Variants in NDST4 observed in about 807,000 individuals in gnomAD.
The protein encoded by NDST4 is N-deacetylase and N-sulfotransferase 4.
A neutral mutation model predicts 100.8 loss-of-function variants in NDST4; 63 were observed. The observed-to-expected ratio is 0.62, with a 90% CI of 0.51 to 0.77. NDST4 has a LOEUF of 0.77. Ranked by LOEUF, NDST4 falls within the 30% of genes least tolerant of loss-of-function variation. The pLI is 0.00. For synonymous variants in NDST4, 377 were observed against 361.8 expected, an observed-to-expected ratio of 1.04 and a Z score of -0.48; for missense variants, 943 against 1,018.4, an observed-to-expected ratio of 0.93 and a Z score of 1.01.
At chr4:115,038,656 T>C (rs1728284898) in intron 2 of NDST4, among the ~76,000 whole-genome samples, 2 of 152,176 alleles carry the variant, frequency 1.3e-5, no homozygotes, top group Admixed American at 6.6e-5. Context: ...TTAACATGTG[T>C]TTTTCCCCTT....
At chr4:114,831,303 C>T (rs1172836896) in intron 12 of NDST4, among the ~76,000 whole-genome samples, 3 of 151,972 alleles carry the variant, frequency 2.0e-5, no homozygotes, top group African/African-American at 2.4e-5. Flanking sequence ...CCACCCGCCT[C>T]GGCCTCCCAA....
intron 2 of NDST4, among the ~76,000 whole-genome samples, chr4:115,068,077 T>C (rs1560587646): frequency 6.6e-6 from 1 of 152,008 alleles, no homozygotes; most frequent in Non-Finnish European, 1.5e-5. Context: ...AGATTTCAAA[T>C]GGCTGTTGGA....
chr4:114,859,995 C>A (rs1291678386), intron 7 of NDST4, among the ~76,000 whole-genome samples: 1 of 152,190 alleles, frequency 6.6e-6, no homozygotes, highest in Admixed American at 6.5e-5. Context: ...GACTCAAATA[C>A]ATTTCTATCC....
chr4:115,033,157 AT>A (rs1192796806), intron 2 of NDST4, among the ~76,000 whole-genome samples: 1,215 of 59,876 alleles, frequency 0.02, 10 homozygotes, highest in African/African-American at 0.047. Context: ...ATATATATAT[AT>A]TTTTTTTTTT....
At chr4:115,015,854 C>G (rs1184639454) in intron 2 of NDST4, among the ~76,000 whole-genome samples, 1 of 151,980 alleles carries the variant, frequency 6.6e-6, no homozygotes, top group Non-Finnish European at 1.5e-5. Context: ...CACAGTCTGC[C>G]AGAAGCAGAG....
chr4:114,988,675 A>G (rs1726969295), intron 2 of NDST4, among the ~76,000 whole-genome samples: 2 of 152,004 alleles, frequency 1.3e-5, no homozygotes, highest in African/African-American at 4.8e-5. Flanking sequence ...TACGTCTTTA[A>G]ATGTGTACCC....
chr4:114,890,886 G>A (rs564274453), intron 6 of NDST4, among the ~76,000 whole-genome samples: 2 of 152,040 alleles, frequency 1.3e-5, no homozygotes, highest in African/African-American at 4.8e-5. Context: ...ATTCACTTAT[G>A]CCCTGGAGCT....
At chr4:115,003,469 G>A (rs574955433) in intron 2 of NDST4, among the ~76,000 whole-genome samples, 10 of 151,998 alleles carry the variant, frequency 6.6e-5, no homozygotes, top group South Asian at 2.1e-4. Flanking sequence ...ATTTTATGTC[G>A]CCTTTACCTA....
At chr4:115,015,515 C>A (rs966603781) in intron 2 of NDST4, among the ~76,000 whole-genome samples, 1 of 151,918 alleles carries the variant, frequency 6.6e-6, no homozygotes, top group Non-Finnish European at 1.5e-5. Context: ...GATGGTCAGG[C>A]ACTTGGAGGA....
intron 2 of NDST4, among the ~76,000 whole-genome samples, chr4:114,986,830 A>ATATATATATATATATATT (rs1553959396): frequency 1.1e-5 from 1 of 91,962 alleles, no homozygotes; most frequent in African/African-American, 4.3e-5. Flanking sequence ...ATATATATAT[A>ATATATATATATATATATT]TATTTTAATA....
chr4:115,072,518 C>T (rs971460392), intron 2 of NDST4, among the ~76,000 whole-genome samples: 1 of 151,812 alleles, frequency 6.6e-6, no homozygotes, highest in African/African-American at 2.4e-5. Context: ...AAATAGTGAA[C>T]ACAGAAATAA....
intron 6 of NDST4, among the ~76,000 whole-genome samples, chr4:114,904,633 T>G (rs1379476424): frequency 1.3e-5 from 2 of 151,846 alleles, no homozygotes; most frequent in Non-Finnish European, 2.9e-5. Flanking sequence ...GTTATATGGA[T>G]TTTTTTAGAA....
At chr4:114,888,151 C>T (rs550555159) in intron 6 of NDST4, among the ~76,000 whole-genome samples, 57 of 151,890 alleles carry the variant, frequency 3.8e-4, no homozygotes, top group East Asian at 1.9e-3. Flanking sequence ...TGCAATGAGC[C>T]GAGATGGTGC....
chr4:115,084,355 G>A (rs567881788), intron 1 of NDST4, among the ~76,000 whole-genome samples: 26 of 152,312 alleles, frequency 1.7e-4, no homozygotes, highest in Non-Finnish European at 2.4e-4. Context: ...TTTGCAGCCC[G>A]ATGATGCAGT....
At chr4:115,046,452 T>C (rs1485050663) in intron 2 of NDST4, among the ~76,000 whole-genome samples, 1 of 152,184 alleles carries the variant, frequency 6.6e-6, no homozygotes, top group African/African-American at 2.4e-5. Flanking sequence ...CCATAACTTT[T>C]ATTTCAGTTG....
Position 114,870,792 on chromosome 4 carries a change from A to G in NDST4, c.1695T>C (p.Pro565=). 6.2e-7 allele frequency: 1 copy of G among 1,611,588 alleles called. No homozygotes were observed. The highest frequency in any genetic ancestry group is 8.5e-7 in the Non-Finnish European group (1 of 1,178,798). ...QLAHQYFELF[P]EQKDPLWQNP... is the part of the protein sequence containing the mutation. ...CCTGCCATAGAGGGTCTTTCTGCTC[A>G]GGGAAGAGCTCAAAATACTGGTGGG... Residue 565 remains proline, a synonymous_variant, in exon 7 of 14, where the codon CCT becomes CCC. Coordinates refer to ENST00000264363, the MANE Select transcript of NDST4 (RefSeq NM_022569.3).
intron 6 of NDST4, among the ~76,000 whole-genome samples, chr4:114,930,729 G>A (rs1213517020): frequency 1.3e-5 from 2 of 152,034 alleles, no homozygotes; most frequent in African/African-American, 4.8e-5. Flanking sequence ...ACATGATGAG[G>A]ACATGCTTTC....
intron 1 of NDST4, among the ~76,000 whole-genome samples, chr4:115,091,118 A>C (rs1448149062): frequency 6.6e-6 from 1 of 152,132 alleles, no homozygotes; most frequent in Non-Finnish European, 1.5e-5. Context: ...GAGAGGTACA[A>C]TATCTACAAT....
intron 6 of NDST4, among the ~76,000 whole-genome samples, chr4:114,906,548 C>T (rs1035805093): frequency 6.6e-6 from 1 of 151,860 alleles, no homozygotes; most frequent in African/African-American, 2.4e-5. Context: ...AGGCCTACCA[C>T]CAACTCAAAA....
Sources: allele counts gnomAD v4.1 joint callset (sites outside exome capture counted in the v4.1 genomes callset), GRCh38; gene constraint gnomAD v4.1.1; transcripts MANE v1.5; gene names NCBI Gene and HGNC (gene_info 2026-07-23, HGNC 2026-07-21).